LRRC37A2: variants seen among roughly 807,000 people sequenced by gnomAD.
LRRC37A2 encodes the protein leucine-rich repeat-containing protein 37A2.
A neutral mutation model predicts 68.8 loss-of-function variants in LRRC37A2; 9 were observed. That is an observed-to-expected ratio of 0.13 (90% CI 0.08 to 0.23). The LOEUF (loss-of-function observed/expected upper bound fraction) is 0.23, where lower values mean the gene tolerates loss of function less well. Ranked by LOEUF, LRRC37A2 falls within the 10% of genes least tolerant of loss-of-function variation. The pLI is 1.00. For synonymous variants in LRRC37A2, 63 were observed against 367.6 expected, an observed-to-expected ratio of 0.17 and a Z score of 9.48; for missense variants, 168 against 950.4, an observed-to-expected ratio of 0.18 and a Z score of 10.82.
chr17:47,005,024 A>G, the LRRC37A2 span, among the ~76,000 whole-genome samples: 1 of 152,262 alleles, frequency 6.6e-6, no homozygotes, highest in Non-Finnish European at 1.5e-5. Flanking sequence ...TTAGTGTTAC[A>G]GAGAAGGACC....
chr17:46,804,535 G>A, the LRRC37A2 span, among the ~76,000 whole-genome samples: 1 of 152,186 alleles, frequency 6.6e-6, no homozygotes, highest in Non-Finnish European at 1.5e-5. Context: ...GCTGATGGCA[G>A]GCCCCCTCTT....
chr17:46,896,695 C>T, the LRRC37A2 span, among the ~76,000 whole-genome samples: 2 of 152,306 alleles, frequency 1.3e-5, no homozygotes, highest in African/African-American at 4.8e-5. Flanking sequence ...AAAGCGACAG[C>T]TTGGCCCTGC....
chr17:46,775,345 T>C, the LRRC37A2 span, among the ~76,000 whole-genome samples: 1 of 152,198 alleles, frequency 6.6e-6, no homozygotes, highest in Non-Finnish European at 1.5e-5. Context: ...ATACTTGAGC[T>C]TGATGTTGGC....
chr17:46,867,704 T>G, the LRRC37A2 span, among the ~76,000 whole-genome samples: 1 of 150,854 alleles, frequency 6.6e-6, no homozygotes. Context: ...GGGTGGGGTG[T>G]GTGTTGGAGA....
chr17:46,868,549 T>TTGTG, the LRRC37A2 span, among the ~76,000 whole-genome samples: 1,225 of 152,214 alleles, frequency 8.0e-3, 16 homozygotes, highest in African/African-American at 0.028. Flanking sequence ...TGAGCCGAAA[T>TTGTG]CTCAGCACTG....
At chr17:46,896,187 G>C in the LRRC37A2 span, among the ~76,000 whole-genome samples, 1 of 151,656 alleles carries the variant, frequency 6.6e-6, no homozygotes, top group Non-Finnish European at 1.5e-5. Context: ...CCAGCTACTC[G>C]GGAGGCTGAG....
the LRRC37A2 span, chr17:46,770,166 C>T: frequency 2.2e-6 from 3 of 1,364,222 alleles, no homozygotes; most frequent in East Asian, 2.5e-5. Flanking sequence ...GAAGAGCTCA[C>T]CAGCCCTGAG....
the LRRC37A2 span, among the ~76,000 whole-genome samples, chr17:46,829,905 T>C: frequency 6.6e-6 from 1 of 152,052 alleles, no homozygotes; most frequent in Non-Finnish European, 1.5e-5. Flanking sequence ...TCTGTGGCCG[T>C]TTCTTATCTG....
the LRRC37A2 span, among the ~76,000 whole-genome samples, chr17:46,809,319 T>C: frequency 6.6e-6 from 1 of 152,168 alleles, no homozygotes; most frequent in Non-Finnish European, 1.5e-5. Context: ...CAAGCCCTAT[T>C]TGCATTCCTA....
chr17:47,028,400 T>C, the LRRC37A2 span: 71 of 1,234,116 alleles, frequency 5.8e-5, no homozygotes, highest in African/African-American at 1.0e-3. Context: ...AACAACTATT[T>C]ATCTACAAAA....
the LRRC37A2 span, among the ~76,000 whole-genome samples, chr17:47,007,274 T>C: frequency 3.5e-4 from 53 of 152,182 alleles, 1 homozygote; most frequent in Admixed American, 2.5e-3. Context: ...GCCTCCTGGG[T>C]TCAAGCAATT....
the LRRC37A2 span, chr17:46,818,606 G>A: frequency 3.1e-6 from 5 of 1,590,016 alleles, no homozygotes; most frequent in African/African-American, 1.3e-5. Flanking sequence ...ATTAGAAGAG[G>A]CGCCGAGGAG....
chr17:46,923,665 GA>G, the LRRC37A2 span: 1 of 993,446 alleles, frequency 1.0e-6, no homozygotes. Context: ...ATTCTTATTC[GA>G]TTTATACTAA....
chr17:46,919,390 T>G, the LRRC37A2 span, among the ~76,000 whole-genome samples: 1 of 151,774 alleles, frequency 6.6e-6, no homozygotes, highest in African/African-American at 2.4e-5. Flanking sequence ...AGCTGGAGAG[T>G]GGCATTTTCT....
the LRRC37A2 span, among the ~76,000 whole-genome samples, chr17:46,976,441 G>A: frequency 2.6e-5 from 4 of 151,906 alleles, no homozygotes; most frequent in South Asian, 8.3e-4. Flanking sequence ...CAGCTATTCC[G>A]GAGGCTGAGG....
At chr17:46,492,211 G>A in the LRRC37A2 span, among the ~76,000 whole-genome samples, 5 of 151,420 alleles carry the variant, frequency 3.3e-5, no homozygotes, top group South Asian at 2.1e-4. Flanking sequence ...GTAATCCGCC[G>A]GCCTCGGCCT....
the LRRC37A2 span, chr17:46,714,074 A>T: frequency 2.2e-6 from 3 of 1,339,166 alleles, no homozygotes; most frequent in Non-Finnish European, 2.0e-6. Context: ...ATGTATACAT[A>T]TAAACCCATA....
the LRRC37A2 span, among the ~76,000 whole-genome samples, chr17:46,840,960 A>G: frequency 6.6e-6 from 1 of 152,202 alleles, no homozygotes; most frequent in African/African-American, 2.4e-5. Context: ...GGAGGCAGAA[A>G]GCAGCCGGTT....
intron 6 of LRRC37A2, chr17:46,528,661 A>G: frequency 1.8e-6 from 1 of 564,338 alleles, no homozygotes; most frequent in Non-Finnish European, 3.0e-6. Flanking sequence ...TGGAGTTTGC[A>G]GTGAGCCAAG....
Sources: gnomAD v4.1 joint callset for allele counts (sites outside exome capture counted in the v4.1 genomes callset) on GRCh38, gnomAD v4.1.1 for gene constraint, MANE v1.5 for transcripts, NCBI Gene and HGNC (gene_info 2026-07-23, HGNC 2026-07-21) for gene names.